Variants in RAF1 observed in about 807,000 individuals in gnomAD.
RAF1 encodes the protein RAF proto-oncogene serine/threonine-protein kinase.
Under a neutral mutation model 81.1 loss-of-function variants are expected in RAF1, and 27 were observed. That is an observed-to-expected ratio of 0.33 (90% CI 0.25 to 0.46). The LOEUF is 0.46. Ranked by LOEUF, RAF1 falls within the 20% of genes least tolerant of loss-of-function variation. The pLI, the probability that RAF1 is intolerant of heterozygous loss-of-function variation, is 1.00. For synonymous variants in RAF1, 298 were observed against 294.0 expected (o/e 1.01, Z -0.14); for missense variants, 598 against 826.0 (o/e 0.72, Z 3.38).
In RAF1 at chr3:12,598,753, AC is replaced by A. The variant is rs752234142; in HGVS notation, c.1168+937del. On this transcript the variant is annotated intron_variant, in intron 11 of 17. Transcript: ENST00000442415. ...AAAAAAAAAAAAAAAAAAAAAAAAA[AC>A]CACCAAGTACTCAAAACTGGAGGTG... is the stretch of plus-strand genomic sequence containing the variant. 8.4e-4 allele frequency among the ~76,000 whole-genome samples: 115 copies of A among 137,066 alleles called. 3 individuals are homozygous for A. Among genetic ancestry groups the A allele is most frequent in the South Asian group, 1.6e-3 (7 of 4,454 alleles). 89.9% of individuals were successfully genotyped at this position (137,066 alleles called of 152,430 possible). A position where few individuals can be genotyped will look rare whatever the true frequency, so the allele number is the denominator to read the frequency against.
rs916425554 is a variant in RAF1 at position 12,585,873 on chromosome 3, A to G, written c.1478-74T>C. On this transcript the variant is annotated intron_variant, in intron 14 of 17. Coordinates refer to ENST00000442415, the MANE Select transcript of RAF1 (RefSeq NM_001354689.3). Reference sequence around the variant, plus strand: ...TTTGAAAAATATCCCAAAGTTCTTTATAACACGGTAATCTCTCCACCTTAC... The same window carrying G: ...TTTGAAAAATATCCCAAAGTTCTTTGTAACACGGTAATCTCTCCACCTTAC... 1.6e-5 allele frequency: 16 copies of G among 1,017,074 alleles called. No individual in the cohort carries two copies. The African/African-American group carries it at 1.7e-4, about 11-fold the overall frequency. The allele number at this position is 1,017,074 out of a possible 1,614,324, so 63.0% of individuals were successfully genotyped here.
intron 11 of RAF1, among the ~76,000 whole-genome samples, chr3:12,596,217 T>TAA (rs2058683606): frequency 2.7e-5 from 3 of 110,442 alleles, no homozygotes; most frequent in Admixed American, 1.9e-4. Context: ...TTTTTTGAGA[T>TAA]AGAGTCTCGT....
intron 6 of RAF1, among the ~76,000 whole-genome samples, chr3:12,605,248 T>TTGTGTGTGTGTGTGTGTGTGTG (rs745742208): frequency 9.0e-6 from 1 of 111,654 alleles, no homozygotes; most frequent in Non-Finnish European, 2.1e-5. Flanking sequence ...TGATTACACA[T>TTGTGTGTGTGTGTGTGTGTGTG]TATGTGTGTG....
chr3:12,604,100 TTGAC>T (rs1400373057), intron 7 of RAF1, 32 bp downstream of exon 7: 1 of 1,612,504 alleles, frequency 6.2e-7, no homozygotes, highest in Non-Finnish European at 8.5e-7. Context: ...ACCCCATTAA[TTGAC>T]TGACATTACC....
chr3:12,583,613 TTA>T lies in RAF1; in HGVS notation c.*899_*900del, dbSNP rs2125311543. ...TAACAGCCAGCCATTACACCTAAAT[TTA>T]ATTTATTTTATTAAAATAACATAAT... is the stretch of plus-strand genomic sequence containing the variant. On this transcript the variant is annotated 3_prime_UTR_variant, in exon 18 of 18. Coordinates refer to ENST00000442415, the MANE Select transcript of RAF1 (RefSeq NM_001354689.3). 1 of 231,598 alleles carries T rather than the reference TTA, an allele frequency of 4.3e-6. No homozygotes were observed. Among genetic ancestry groups the T allele is most frequent in the South Asian group, 1.8e-4 (1 of 5,526 alleles). 14.3% of individuals were successfully genotyped at this position (231,598 alleles called of 1,614,324 possible). A position where few individuals can be genotyped will look rare whatever the true frequency, so the allele number is the denominator to read the frequency against.
rs2058312067 is a variant in RAF1 at position 12,585,690 on chromosome 3, G to A, written c.1587C>T (p.Val529=). 1 of 1,612,980 alleles carries A rather than the reference G, an allele frequency of 6.2e-7. No homozygotes were observed. The highest frequency in any genetic ancestry group is 1.1e-5 in the South Asian group (1 of 91,050). ...GAGCCCAGATTCTCACCATCCAGAG[G>A]ACAGAGCCAGTAGGTTGTTCAACCT... is the stretch of plus-strand genomic sequence containing the variant. Residue 529 remains valine (V), a synonymous_variant, in exon 15 of 18, where the codon GTC becomes GTT. Transcript: ENST00000442415.
intron 2 of RAF1, among the ~76,000 whole-genome samples, chr3:12,615,091 G>C (rs4684865): frequency 0.12 from 18,630 of 152,122 alleles, 1,373 homozygotes; most frequent in Admixed American, 0.2. Context: ...CCATCTACCT[G>C]TCCAACACAT....
At chr3:12,619,986 G>C (rs1347926331) in intron 1 of RAF1, among the ~76,000 whole-genome samples, 1 of 152,038 alleles carries the variant, frequency 6.6e-6, no homozygotes, top group African/African-American at 2.4e-5. Flanking sequence ...GGAGGCTGAG[G>C]CAGGGGAATG....
chr3:12,604,437 G>C (rs1301961324), intron 6 of RAF1, 148 bp from the exon 7 acceptor site: 2 of 900,826 alleles, frequency 2.2e-6, no homozygotes, highest in East Asian at 5.3e-5. Flanking sequence ...TCAAATGTGT[G>C]ACATCTAAAA....
At position 12,584,431 on chromosome 3, in the gene RAF1, G is replaced by C. The variant is rs2229757; in HGVS notation, c.*83C>G. On this transcript the variant is annotated 3_prime_UTR_variant, in exon 18 of 18. Transcript: ENST00000442415. ...CAGCTTCTCTGAAAACATGTGTTCT[G>C]CCTCTGGAGAAAGGGAGCAGAAAAG... 5 of 1,560,168 alleles carry C rather than the reference G, an allele frequency of 3.2e-6. No individual in the cohort carries two copies. The African/African-American group carries it at 5.4e-5, about 17-fold the overall frequency.
At position 12,608,491 on chromosome 3, in the gene RAF1, C is replaced by T. The variant is rs193108949; in HGVS notation, c.581+275G>A. On this transcript the variant is annotated intron_variant, in intron 5 of 17. Coordinates refer to ENST00000442415, the MANE Select transcript of RAF1 (RefSeq NM_001354689.3). ...GCAAAAAATCTTCTTGTTTTCATATCCTTTTGCTCCTTTCCTTACTGAATC... is the reference window on the plus strand; with the variant it reads ...GCAAAAAATCTTCTTGTTTTCATATTCTTTTGCTCCTTTCCTTACTGAATC... 1.1e-5 allele frequency: 5 copies of T among 473,010 alleles called. No homozygotes were observed. The East Asian group carries it at 1.6e-4, about 15-fold the overall frequency. The allele number at this position is 473,010 out of a possible 1,614,324, so 29.3% of individuals were successfully genotyped here.
At chr3:12,587,519 A>T in intron 14 of RAF1, 72 bp downstream of exon 13, 1 of 1,391,564 alleles carries the variant, frequency 7.2e-7, no homozygotes, top group Non-Finnish European at 1.0e-6. Flanking sequence ...GCCACTTGTG[A>T]TAGAAAGCCT....
intron 1 of RAF1, among the ~76,000 whole-genome samples, chr3:12,654,958 T>C (rs1481708021): frequency 2.7e-5 from 4 of 148,900 alleles, no homozygotes. Context: ...GGAGGATCAA[T>C]GGAGGCCAGG....
intron 1 of RAF1, among the ~76,000 whole-genome samples, chr3:12,620,159 T>C (rs957801986): frequency 3.3e-5 from 5 of 152,212 alleles, no homozygotes; most frequent in Non-Finnish European, 7.3e-5. Context: ...TTCTTTTCTT[T>C]TGAGACAGAG....
intron 1 of RAF1, among the ~76,000 whole-genome samples, chr3:12,658,043 TTTCC>T: frequency 6.6e-6 from 1 of 152,326 alleles, no homozygotes; most frequent in African/African-American, 2.4e-5. Context: ...ACTTAATATG[TTTCC>T]AATGTTGTAG....
intron 11 of RAF1, among the ~76,000 whole-genome samples, chr3:12,596,217 TAG>T (rs2058683682): frequency 9.1e-6 from 1 of 110,368 alleles, no homozygotes; most frequent in Non-Finnish European, 1.9e-5. Flanking sequence ...TTTTTTGAGA[TAG>T]AGTCTCGTTC....
intron 1 of RAF1, among the ~76,000 whole-genome samples, chr3:12,638,462 C>T (rs954945291): frequency 6.6e-6 from 1 of 152,206 alleles, no homozygotes. Flanking sequence ...AGTCATCTAA[C>T]AGTTCATCAA....
At chr3:12,617,623 T>C (rs970283384) in intron 2 of RAF1, among the ~76,000 whole-genome samples, 2 of 151,992 alleles carry the variant, frequency 1.3e-5, no homozygotes, top group Non-Finnish European at 2.9e-5. Context: ...TGGTGTCTCA[T>C]GTTGGTAATC....
chr3:12,609,109 C>G (rs2059129259), intron 4 of RAF1, 124 bp downstream of exon 4: 3 of 1,035,804 alleles, frequency 2.9e-6, no homozygotes, highest in Admixed American at 1.9e-5. Flanking sequence ...CTGTAAACAA[C>G]AGCATAAAGA....
Sources: gnomAD v4.1 joint callset for allele counts (sites outside exome capture counted in the v4.1 genomes callset) on GRCh38, gnomAD v4.1.1 for gene constraint, MANE v1.5 for transcripts, NCBI Gene and HGNC (gene_info 2026-07-23, HGNC 2026-07-21) for gene names.